C4orf50: variants seen among roughly 807,000 people sequenced by gnomAD.
C4orf50 encodes the protein uncharacterized protein C4orf50.
In C4orf50, 80 loss-of-function variants were observed where a neutral mutation model predicts 77.2. The observed-to-expected ratio is 1.04, with a 90% CI of 0.87 to 1.25. The LOEUF is 1.25. Ranked by LOEUF, C4orf50 falls within the 50% of genes most tolerant of loss-of-function variation. The pLI is 0.00. For synonymous variants in C4orf50, 532 were observed against 465.3 expected, an observed-to-expected ratio of 1.14 and a Z score of -1.84; for missense variants, 1,257 against 1,152.9, an observed-to-expected ratio of 1.09 and a Z score of -1.31.
At chr4:6,012,307 A>T (rs1319439895) in intron 23 of C4orf50, among the ~76,000 whole-genome samples, 1 of 152,078 alleles carries the variant, frequency 6.6e-6, no homozygotes, top group Non-Finnish European at 1.5e-5. Flanking sequence ...GTTTCAATGA[A>T]TCCTCACATT....
intron 7 of C4orf50, among the ~76,000 whole-genome samples, chr4:5,951,425 C>T (rs890426153): frequency 6.6e-6 from 1 of 152,084 alleles, no homozygotes; most frequent in African/African-American, 2.4e-5. Flanking sequence ...CTTTAGATCC[C>T]AAAGCTAGTT....
chr4:5,942,003 CA>C, intron 7 of C4orf50, among the ~76,000 whole-genome samples: 1 of 152,190 alleles, frequency 6.6e-6, no homozygotes, highest in Admixed American at 6.5e-5. Flanking sequence ...AAGTGGCTTT[CA>C]GCTCAATTGT....
intron 7 of C4orf50, chr4:5,902,934 G>A (rs1716403086): frequency 6.6e-6 from 1 of 152,184 alleles, no homozygotes; most frequent in South Asian, 2.1e-4. Context: ...CCCAGTTGCA[G>A]GCCCTTCCTG....
intron 33 of C4orf50, among the ~76,000 whole-genome samples, chr4:5,962,789 C>A (rs1719342566): frequency 6.6e-6 from 1 of 152,176 alleles, no homozygotes; most frequent in Non-Finnish European, 1.5e-5. Context: ...TGAGCCAATG[C>A]CGGCGCAGTA....
intron 29 of C4orf50, among the ~76,000 whole-genome samples, chr4:5,978,717 C>T (rs944835169): frequency 6.6e-6 from 1 of 152,146 alleles, no homozygotes; most frequent in Non-Finnish European, 1.5e-5. Flanking sequence ...AATATTGCCA[C>T]CTTTGGAGCC....
At position 6,013,374 on chromosome 4, in the gene C4orf50, C is replaced by T. The variant is rs532298542; in HGVS notation, c.288-1406G>A. On this transcript the variant is annotated intron_variant, in intron 23 of 33. Coordinates refer to ENST00000531445, the Ensembl canonical transcript of C4orf50. ...GAGATTTGCTAGGAAAAACAAAAGC[C>T]TTTCTTTCTAGTTTTGAGACCAATC... is the stretch of plus-strand genomic sequence containing the variant. Among the ~76,000 whole-genome samples the T allele has an allele frequency of 9.9e-5, 15 of 152,260 alleles. No individual in the cohort carries two copies. The South Asian group carries it at 1.5e-3, about 15-fold the overall frequency.
downstream of C4orf50, among the ~76,000 whole-genome samples, chr4:5,955,427 G>A (rs2108759097): frequency 6.6e-6 from 1 of 152,286 alleles, no homozygotes; most frequent in Non-Finnish European, 1.5e-5. The surrounding 1 kb of genome is among the most constrained non-coding windows in gnomAD (Gnocchi z 5.1). Flanking sequence ...CACCTGGGCT[G>A]TGAATGCCAC....
chr4:5,982,774 C>T (rs921793411), intron 28 of C4orf50, among the ~76,000 whole-genome samples: 1 of 151,866 alleles, frequency 6.6e-6, no homozygotes, highest in Non-Finnish European at 1.5e-5. Context: ...CATCTCTGCA[C>T]AGAACCAGCC....
Position 5,916,326 on chromosome 4 carries a change from C to T in C4orf50, c.*2475-18138G>A, listed in dbSNP as rs1717025322. On this transcript the variant is annotated intron_variant, in intron 7 of 7. Coordinates refer to the C4orf50 transcript ENST00000324058. The surrounding 1 kb of genome is among the most constrained non-coding windows in gnomAD (Gnocchi z 4.4). ...CCTGGATTTTTTGTCTGGGTGTTGA[C>T]CAATCAACTAGGAGAGGGGTGGGGC... Among the ~76,000 whole-genome samples, 1 of 152,170 alleles carries T rather than the reference C, an allele frequency of 6.6e-6. No individual in the cohort carries two copies. Among genetic ancestry groups the T allele is most frequent in the Admixed American group, 6.5e-5 (1 of 15,284 alleles).
exon 28 of C4orf50, chr4:5,990,019 T>A (rs1721166902): frequency 7.2e-7 from 1 of 1,385,922 alleles, no homozygotes; most frequent in South Asian, 1.9e-5. Context: ...TTTGGTCTCA[T>A]GAGCCCTGGA....
intron 23 of C4orf50, among the ~76,000 whole-genome samples, chr4:6,014,964 A>G (rs910180074): frequency 2.6e-5 from 4 of 152,034 alleles, no homozygotes; most frequent in South Asian, 4.2e-4. Flanking sequence ...TCCCTCCCCC[A>G]TGGAGGGGTC....
intron 7 of C4orf50, among the ~76,000 whole-genome samples, chr4:5,914,307 C>G (rs1330904699): frequency 3.3e-5 from 5 of 150,596 alleles, no homozygotes; most frequent in African/African-American, 1.2e-4. Flanking sequence ...CGGGTTCATG[C>G]CATTCTCCCG....
Position 5,932,112 on chromosome 4 carries a change from T to A in C4orf50, c.*2474+24789A>T, listed in dbSNP as rs945474517. ...TGCAATGTTTGGCCTCTTGCCCCCC[T>A]CTCAGCTGAGGAAGGCAGGTGTAAC... is the stretch of plus-strand genomic sequence containing the variant. On this transcript the variant is annotated intron_variant, in intron 7 of 7. Coordinates refer to the C4orf50 transcript ENST00000324058. The surrounding 1 kb of genome is among the most constrained non-coding windows in gnomAD (Gnocchi z 4.2). Among the ~76,000 whole-genome samples, 4 of 130,384 alleles carry A rather than the reference T, an allele frequency of 3.1e-5. No homozygotes were observed. The highest frequency in any genetic ancestry group is 1.2e-4 in the African/African-American group (4 of 33,650). The allele number at this position is 130,384 out of a possible 152,430, so 85.5% of individuals were successfully genotyped here. A position where few individuals can be genotyped will look rare whatever the true frequency, so the allele number is the denominator to read the frequency against.
At chr4:5,969,907 A>G (rs4585245) in intron 31 of C4orf50, among the ~76,000 whole-genome samples, 70,932 of 151,806 alleles carry the variant, frequency 0.47, 17,880 homozygotes, top group East Asian at 0.91. Flanking sequence ...GGGACCTTCC[A>G]TCTGTGGAGT....
At chr4:5,926,506 A>T (rs1417225278) in intron 7 of C4orf50, among the ~76,000 whole-genome samples, 5 of 152,136 alleles carry the variant, frequency 3.3e-5, no homozygotes, top group Non-Finnish European at 7.3e-5. Flanking sequence ...GACGATGAAA[A>T]CGTTCTGAAA....
chr4:5,962,945 C>T (rs897053134), intron 33 of C4orf50, among the ~76,000 whole-genome samples: 6 of 152,078 alleles, frequency 3.9e-5, no homozygotes, highest in African/African-American at 1.2e-4. Context: ...CTCATCCTCC[C>T]ATCTTTTTAC....
At chr4:5,966,731 C>A (rs1236961050) in intron 32 of C4orf50, among the ~76,000 whole-genome samples, 1 of 150,036 alleles carries the variant, frequency 6.7e-6, no homozygotes, top group East Asian at 2.0e-4. Flanking sequence ...TTCACTGCAA[C>A]CTCCGTCTCC....
rs374560312 is a variant in C4orf50 at position 5,972,682 on chromosome 4, G to A, written c.4104+977C>T. Among the ~76,000 whole-genome samples the A allele has an allele frequency of 8.5e-4, 130 of 152,356 alleles. 1 individual carries two copies. The highest frequency in any genetic ancestry group is 3.0e-3 in the African/African-American group (126 of 41,596). ...AGAGAGACTCAGACCTGGTGCCAAG[G>A]GGCTGAGAGCAAGCCCCACAGGCAG... On this transcript the variant is annotated intron_variant, in intron 31 of 33. Transcript: ENST00000531445.
chr4:5,913,102 TA>T (rs2108731666), intron 7 of C4orf50, among the ~76,000 whole-genome samples: 1 of 152,238 alleles, frequency 6.6e-6, no homozygotes, highest in South Asian at 2.1e-4. Flanking sequence ...AAAATTTTAT[TA>T]ATACAACCAG....
Sources: allele counts gnomAD v4.1 joint callset (sites outside exome capture counted in the v4.1 genomes callset), GRCh38; gene constraint gnomAD v4.1.1; non-coding constraint Gnocchi (gnomAD v3.1); transcripts MANE v1.5; gene names NCBI Gene and HGNC (gene_info 2026-07-23, HGNC 2026-07-21).